AK5: variants seen among roughly 807,000 people sequenced by gnomAD.
AK5 encodes adenylate kinase isoenzyme 5.
A neutral mutation model predicts 69.5 loss-of-function variants in AK5; 27 were observed. The ratio of observed to expected loss-of-function variants is 0.39; its 90% CI spans 0.29 to 0.54. The LOEUF is 0.54. AK5 is among the 20% of genes least tolerant of loss of function. The probability of loss-of-function intolerance (pLI) is 0.71; values close to 1 mark genes in which losing one functional copy is unlikely to be tolerated. For synonymous variants in AK5, 260 were observed against 244.4 expected, an observed-to-expected ratio of 1.06 and a Z score of -0.60; for missense variants, 531 against 700.4, an observed-to-expected ratio of 0.76 and a Z score of 2.73.
chr1:77,319,590 T>G lies in AK5; in HGVS notation c.700-20787T>G, dbSNP rs181720743. On this transcript the variant is annotated intron_variant, in intron 5 of 13. Transcript: ENST00000354567. Reference sequence around the variant, plus strand: ...ACAAAAGGCTGCCCAGTGGTAACATTTTGTATTTTCTGCACCAAGATTCAC... The same window carrying G: ...ACAAAAGGCTGCCCAGTGGTAACATGTTGTATTTTCTGCACCAAGATTCAC... 3.2e-4 allele frequency among the ~76,000 whole-genome samples: 49 copies of G among 152,286 alleles called. 1 individual carries two copies. The East Asian group carries it at 9.1e-3, about 28-fold the overall frequency.
chr1:77,282,218 G>T lies in AK5; in HGVS notation c.-96G>T. 8 of 1,208,792 alleles carry T rather than the reference G, an allele frequency of 6.6e-6. No homozygotes were observed. The highest frequency in any genetic ancestry group is 1.5e-5 in the South Asian group (1 of 64,602). 74.9% of individuals were successfully genotyped at this position (1,208,792 alleles called of 1,614,324 possible). ...GAGAAAGAGGGCTGCACCGCTGCTC[G>T]GCGCGGACTCTGCCAGCCCCAGCTT... On this transcript the variant is annotated 5_prime_UTR_variant, in exon 1 of 14. Coordinates refer to ENST00000354567, the MANE Select transcript of AK5 (RefSeq NM_174858.3).
intron 10 of AK5, among the ~76,000 whole-genome samples, chr1:77,488,620 G>C (rs962175012): frequency 1.3e-5 from 2 of 152,178 alleles, no homozygotes; most frequent in Non-Finnish European, 2.9e-5. Flanking sequence ...GCAAGCTCAG[G>C]AGCAAGGAGA....
At chr1:77,362,313 G>A (rs920037200) in intron 6 of AK5, among the ~76,000 whole-genome samples, 14 of 151,816 alleles carry the variant, frequency 9.2e-5, no homozygotes, top group African/African-American at 2.7e-4. Context: ...TTTCTCTTAC[G>A]TGGTTTAAAA....
intron 10 of AK5, among the ~76,000 whole-genome samples, chr1:77,499,275 G>A (rs1369284989): frequency 1.3e-5 from 2 of 152,032 alleles, no homozygotes; most frequent in East Asian, 1.9e-4. Flanking sequence ...AGGTGGTTAA[G>A]GCAAAAAAGG....
chr1:77,461,751 C>T (rs1653857973), intron 8 of AK5, among the ~76,000 whole-genome samples: 2 of 147,040 alleles, frequency 1.4e-5, no homozygotes, highest in South Asian at 4.3e-4. Flanking sequence ...ACCTGGGCAA[C>T]AGGGCAAGAC....
At chr1:77,350,599 C>T (rs968932653) in intron 6 of AK5, among the ~76,000 whole-genome samples, 1 of 152,182 alleles carries the variant, frequency 6.6e-6, no homozygotes, top group African/African-American at 2.4e-5. Flanking sequence ...TAGTGACTGA[C>T]ACAAGGTTTT....
chr1:77,529,245 C>T (rs1204634452), intron 12 of AK5, among the ~76,000 whole-genome samples: 2 of 151,818 alleles, frequency 1.3e-5, no homozygotes, highest in Admixed American at 6.6e-5. Context: ...ACTTACAATG[C>T]GCCAGAAACT....
chr1:77,472,197 A>C (rs1471838205), intron 8 of AK5, among the ~76,000 whole-genome samples: 3 of 152,220 alleles, frequency 2.0e-5, no homozygotes, highest in Non-Finnish European at 2.9e-5. Context: ...CACATTTTAA[A>C]GGTAGATGAT....
chr1:77,416,231 A>T (rs1310502715), intron 7 of AK5, among the ~76,000 whole-genome samples: 1 of 152,192 alleles, frequency 6.6e-6, no homozygotes, highest in Non-Finnish European at 1.5e-5. Context: ...GTTAAAATAC[A>T]TATGTAAATT....
At chr1:77,452,876 A>G (rs1653242571) in intron 8 of AK5, among the ~76,000 whole-genome samples, 1 of 152,110 alleles carries the variant, frequency 6.6e-6, no homozygotes, top group South Asian at 2.1e-4. Context: ...TTATCTTCCT[A>G]TGTTTCATTT....
At chr1:77,412,594 A>T (rs1183113777) in intron 7 of AK5, among the ~76,000 whole-genome samples, 1 of 152,138 alleles carries the variant, frequency 6.6e-6, no homozygotes, top group Non-Finnish European at 1.5e-5. Flanking sequence ...GCTCCAGGAA[A>T]CTGTCGCTGT....
intron 6 of AK5, among the ~76,000 whole-genome samples, chr1:77,367,569 A>ATATATATGTTATATATATATGT (rs1646980313): frequency 1.6e-4 from 5 of 31,642 alleles, no homozygotes; most frequent in African/African-American, 1.9e-4. Context: ...ATATATATAT[A>ATATATATGTTATATATATATGT]TATATATATA....
Position 77,535,912 on chromosome 1 carries a change from C to T in AK5, c.1494C>T (p.Leu498=). 1.9e-6 allele frequency: 3 copies of T among 1,614,054 alleles called. No individual in the cohort carries two copies. Among genetic ancestry groups the T allele is most frequent in the Admixed American group, 3.3e-5 (2 of 60,014 alleles). The change falls in exon 13 of 14, where the codon CTC becomes CTT. Residue 498 remains leucine, a synonymous_variant. Transcript: ENST00000354567. ...CSADTMTNRL[L]QRSRSSLPVD... is the part of the protein sequence containing the mutation. ...CAGACACCATGACCAACCGCCTTCT[C>T]CAAAGGAGCCGGAGCAGCCTGCCTG...
intron 13 of AK5, among the ~76,000 whole-genome samples, chr1:77,556,970 C>A (rs1660135625): frequency 2.0e-5 from 3 of 152,162 alleles, no homozygotes; most frequent in South Asian, 4.2e-4. Context: ...AGATCACCAA[C>A]CCTCTACCTT....
intron 6 of AK5, among the ~76,000 whole-genome samples, chr1:77,396,785 C>T (rs1054518981): frequency 1.3e-5 from 2 of 152,238 alleles, no homozygotes; most frequent in African/African-American, 4.8e-5. Context: ...GTGTTCTTCC[C>T]TAATTGTATG....
intron 8 of AK5, among the ~76,000 whole-genome samples, chr1:77,482,890 C>T (rs1335724421): frequency 6.6e-6 from 1 of 150,738 alleles, no homozygotes; most frequent in Admixed American, 6.6e-5. Flanking sequence ...TTTGGAGTTA[C>T]TCATAAAACC....
intron 6 of AK5, among the ~76,000 whole-genome samples, chr1:77,396,971 C>A (rs1338388787): frequency 6.6e-6 from 1 of 152,218 alleles, no homozygotes; most frequent in Non-Finnish European, 1.5e-5. Context: ...TGTCACATTC[C>A]TGTGTGCCCA....
intron 6 of AK5, among the ~76,000 whole-genome samples, chr1:77,400,425 A>T (rs1649130121): frequency 6.6e-6 from 1 of 152,222 alleles, no homozygotes; most frequent in Non-Finnish European, 1.5e-5. Flanking sequence ...AATCCAAGTG[A>T]TAAATTAAAA....
At chr1:77,513,523 T>G (rs1344317608) in intron 10 of AK5, among the ~76,000 whole-genome samples, 4 of 152,212 alleles carry the variant, frequency 2.6e-5, no homozygotes, top group Non-Finnish European at 5.9e-5. Context: ...CTGGAGTTAG[T>G]AAGATGCAAT....
Sources: allele counts gnomAD v4.1 joint callset (sites outside exome capture counted in the v4.1 genomes callset), GRCh38; gene constraint gnomAD v4.1.1; transcripts MANE v1.5; gene names NCBI Gene and HGNC (gene_info 2026-07-23, HGNC 2026-07-21).